The following NEK11 variants were observed in gnomAD, a reference collection of about 807,000 sequenced individuals.
NEK11 encodes NIMA related kinase 11, also known as serine/threonine-protein kinase Nek11.
Under a neutral mutation model 80.7 loss-of-function variants are expected in NEK11, and 72 were observed. The ratio of observed to expected loss-of-function variants is 0.89; its 90% CI spans 0.74 to 1.08. NEK11 has a LOEUF of 1.08. Among genes scored for constraint, NEK11 ranks in the 50% least tolerant of loss-of-function variants. NEK11 has a pLI of 0.00. For synonymous variants in NEK11, 251 were observed against 260.7 expected, an observed-to-expected ratio of 0.96 and a Z score of 0.36; for missense variants, 764 against 763.6, an observed-to-expected ratio of 1.00 and a Z score of -0.01.
intron 3 of NEK11, among the ~76,000 whole-genome samples, chr3:131,042,209 T>G (rs2066610954): frequency 8.7e-6 from 1 of 114,798 alleles, no homozygotes; most frequent in Non-Finnish European, 2.3e-5. Flanking sequence ...TTTTTGTTTT[T>G]TGTTTTTTTT....
intron 16 of NEK11, among the ~76,000 whole-genome samples, chr3:131,254,000 A>T (rs2095757318): frequency 6.6e-6 from 1 of 152,142 alleles, no homozygotes; most frequent in Non-Finnish European, 1.5e-5. Flanking sequence ...CTTGCTACAC[A>T]TGGATCAAAT....
At chr3:131,165,382 T>G in intron 11 of NEK11, 44 bp from the exon 12 acceptor site, 1 of 1,191,792 alleles carries the variant, frequency 8.4e-7, no homozygotes, top group Non-Finnish European at 1.2e-6. Context: ...GACATGGTTT[T>G]AGCAATTCGC....
At chr3:131,282,756 T>C (rs1157614629) in intron 17 of NEK11, among the ~76,000 whole-genome samples, 1 of 140,836 alleles carries the variant, frequency 7.1e-6, no homozygotes, top group African/African-American at 3.2e-5. Context: ...ATGATCTTTA[T>C]TGTCCTTCTT....
chr3:131,161,149 C>CAAAAAAAAAAAA (rs371334381), intron 10 of NEK11, among the ~76,000 whole-genome samples: 1 of 115,104 alleles, frequency 8.7e-6, no homozygotes, highest in African/African-American at 3.5e-5. Context: ...GACTCCATCT[C>CAAAAAAAAAAAA]AAAAAAAAAA....
At chr3:131,118,580 C>T (rs1049498867) in intron 5 of NEK11, among the ~76,000 whole-genome samples, 7 of 152,028 alleles carry the variant, frequency 4.6e-5, no homozygotes, top group South Asian at 2.1e-4. Context: ...TGGTAGAATT[C>T]GGCTGTGAAT....
At chr3:131,347,935 C>T (rs1193437258) in intron 17 of NEK11, among the ~76,000 whole-genome samples, 2 of 151,712 alleles carry the variant, frequency 1.3e-5, no homozygotes, top group Non-Finnish European at 2.9e-5. Context: ...AAAAAATACA[C>T]ATCCTGGTTT....
At chr3:131,332,813 G>A (rs973107358) in intron 17 of NEK11, among the ~76,000 whole-genome samples, 4 of 152,344 alleles carry the variant, frequency 2.6e-5, no homozygotes, top group East Asian at 3.9e-4. Flanking sequence ...AGAACTGCGT[G>A]AAGAATGCAG....
chr3:131,340,570 G>C (rs2097268868), intron 17 of NEK11, among the ~76,000 whole-genome samples: 1 of 152,166 alleles, frequency 6.6e-6, no homozygotes, highest in South Asian at 2.1e-4. Context: ...AAATGGGCAG[G>C]GGAGAGAAGA....
chr3:131,188,853 AC>A (rs63315660), intron 14 of NEK11, among the ~76,000 whole-genome samples: 17,154 of 151,646 alleles, frequency 0.11, 1,551 homozygotes, highest in East Asian at 0.43. Flanking sequence ...TTGAATTATG[AC>A]CCCCAAAAGA....
chr3:131,098,336 A>G (rs1213712010), intron 4 of NEK11, among the ~76,000 whole-genome samples: 6 of 152,232 alleles, frequency 3.9e-5, no homozygotes, highest in African/African-American at 1.4e-4. Flanking sequence ...GTTTCTGCAC[A>G]GCAAAAGAAA....
At chr3:131,118,021 G>A (rs2081601214) in intron 5 of NEK11, among the ~76,000 whole-genome samples, 1 of 152,186 alleles carries the variant, frequency 6.6e-6, no homozygotes. Context: ...TTGAATAGGA[G>A]TGGTGAGAGA....
chr3:131,153,911 G>T (rs766869793), intron 9 of NEK11, among the ~76,000 whole-genome samples: 1 of 152,108 alleles, frequency 6.6e-6, no homozygotes. Flanking sequence ...GGGCTTTGGC[G>T]GTCAAAGGAA....
intron 3 of NEK11, among the ~76,000 whole-genome samples, chr3:131,075,360 G>T (rs1050823910): frequency 6.6e-6 from 1 of 152,082 alleles, no homozygotes; most frequent in Non-Finnish European, 1.5e-5. Flanking sequence ...GAAATAAAAT[G>T]AAACTCCATC....
chr3:131,348,927 T>G (rs1307699812), intron 17 of NEK11, among the ~76,000 whole-genome samples: 5 of 152,030 alleles, frequency 3.3e-5, no homozygotes, highest in Admixed American at 6.6e-5. Context: ...CAAACAAAAC[T>G]ATTCTCCCCC....
chr3:131,180,780 T>C (rs1458625870), intron 14 of NEK11, among the ~76,000 whole-genome samples: 1 of 152,246 alleles, frequency 6.6e-6, no homozygotes, highest in Non-Finnish European at 1.5e-5. Flanking sequence ...TATTTTAAGA[T>C]GCATCTCCAT....
intron 7 of NEK11, among the ~76,000 whole-genome samples, chr3:131,143,000 A>G (rs2087295676): frequency 6.6e-6 from 1 of 152,182 alleles, no homozygotes; most frequent in Non-Finnish European, 1.5e-5. Context: ...ATGTGACAGT[A>G]TATTAGAATA....
chr3:131,031,977 T>TGG (rs2064925541), intron 3 of NEK11, among the ~76,000 whole-genome samples: 2 of 151,932 alleles, frequency 1.3e-5, no homozygotes, highest in Non-Finnish European at 2.9e-5. Context: ...TTTTTTTTTT[T>TGG]TTGAGGCGGA....
chr3:131,052,609 G>A (rs1323310755), intron 3 of NEK11, among the ~76,000 whole-genome samples: 3 of 152,104 alleles, frequency 2.0e-5, no homozygotes. Flanking sequence ...GTGTTACCTT[G>A]CCACCGTATG....
chr3:131,280,250 GCAGTGAGCA>G (rs1415399105), intron 17 of NEK11, among the ~76,000 whole-genome samples: 1 of 152,148 alleles, frequency 6.6e-6, no homozygotes, highest in African/African-American at 2.4e-5. Flanking sequence ...GCCAATTCAT[GCAGTGAGCA>G]CAGGAAAAAA....
Sources: allele counts gnomAD v4.1 joint callset (sites outside exome capture counted in the v4.1 genomes callset), GRCh38; gene constraint gnomAD v4.1.1; transcripts MANE v1.5; gene names NCBI Gene and HGNC (gene_info 2026-07-23, HGNC 2026-07-21).